The following GLS2 variants were observed in gnomAD, a reference collection of about 807,000 sequenced individuals.
GLS2 encodes the protein glutaminase liver isoform, mitochondrial.
GLS2 carries 52 observed loss-of-function variants against 79.0 expected under a neutral mutation model. The observed-to-expected ratio is 0.66, with a 90% CI of 0.53 to 0.83. The LOEUF (loss-of-function observed/expected upper bound fraction) is 0.83. Ranked by LOEUF, GLS2 falls within the 40% of genes least tolerant of loss-of-function variation. The pLI is 0.00. For missense variants in GLS2, 561 were observed against 764.8 expected (o/e 0.73, Z 3.14); for synonymous variants, 238 against 280.8 (o/e 0.85, Z 1.52).
rs1258554477 is a variant in GLS2 at position 56,487,964 on chromosome 12, T to C, written c.155A>G (p.His52Arg). The C allele has an allele frequency of 2.5e-6, 4 of 1,602,876 alleles. No individual in the cohort carries two copies. The highest frequency in any genetic ancestry group is 1.3e-5 in the African/African-American group (1 of 74,876). The change falls in exon 1 of 18, where the codon CAC (histidine) becomes CGC (arginine). Residue 52 changes from histidine to arginine, a missense_variant. By Grantham distance (29) the His-to-Arg change is conservative. Transcript: ENST00000311966. ...ATCCTGGTGCTGCGGCTGGTGGCTG[T>C]GTGGCGTCTCTCTGCCCTGCGCCGC... is the stretch of plus-strand genomic sequence containing the variant. ...EAAAQGRETP[H>R]SHQPQHQDHD...
intron 6 of GLS2, 54 bp downstream of exon 6, chr12:56,477,879 G>T: frequency 6.3e-7 from 1 of 1,579,862 alleles, no homozygotes. Context: ...GATGGGGTGG[G>T]GATAAGGAGA....
rs749644217 is a variant in GLS2, at chr12:56,480,388, C to G, written c.183-1G>C. 6.2e-7 allele frequency: 1 copy of G among 1,613,506 alleles called. No individual in the cohort carries two copies. The highest frequency in any genetic ancestry group is 8.5e-7 in the Non-Finnish European group (1 of 1,179,460). On this transcript the variant is annotated splice_acceptor_variant, in intron 1 of 17. Coordinates refer to ENST00000311966, the MANE Select transcript of GLS2 (RefSeq NM_013267.4). LOFTEE classifies it high-confidence loss of function. ...CAGCATGCCACTTTCTGATGAATCACTGTTTGGGGGCAGAGAATGGGGAGG... is the reference window on the plus strand; with the variant it reads ...CAGCATGCCACTTTCTGATGAATCAGTGTTTGGGGGCAGAGAATGGGGAGG...
chr12:56,479,207 G>T, intron 3 of GLS2, 26 bp from the exon 4 acceptor site: 1 of 1,610,346 alleles, frequency 6.2e-7, no homozygotes, highest in South Asian at 1.1e-5. Context: ...GATTGGATTA[G>T]GGGGCTAGAG....
Position 56,472,115 on chromosome 12 carries a change from G to A in GLS2, c.1588+4C>T, listed in dbSNP as rs1230209053. ...TCCTCCTCCCCTCCTTAACCCTTCA[G>A]TACCTTCAGCTGCAGCAACATGCAG... On this transcript the variant is annotated splice_donor_region_variant and intron_variant, in intron 16 of 17. Coordinates refer to ENST00000311966, the MANE Select transcript of GLS2 (RefSeq NM_013267.4). 8.7e-6 allele frequency: 14 copies of A among 1,613,930 alleles called. No individual in the cohort carries two copies. Among genetic ancestry groups the A allele is most frequent in the South Asian group, 3.3e-5 (3 of 91,070 alleles).
At position 56,475,686 on chromosome 12, in the gene GLS2, G is replaced by A; in HGVS notation, c.871-4C>T. On this transcript the variant is annotated splice_polypyrimidine_tract_variant and splice_region_variant and intron_variant, in intron 8 of 17. Coordinates refer to ENST00000311966, the MANE Select transcript of GLS2 (RefSeq NM_013267.4). ...TTTTGTTGAGATACTGCAACACCTG[G>A]AAGAGAAAAAGGGACATTGAGGCTC... 6.2e-7 allele frequency: 1 copy of A among 1,613,934 alleles called. No individual in the cohort carries two copies. Among genetic ancestry groups the A allele is most frequent in the Non-Finnish European group, 8.5e-7 (1 of 1,179,944 alleles).
rs1374136916 is a variant in GLS2 at position 56,487,976 on chromosome 12, C to T, written c.143G>A (p.Arg48Lys). The T allele has an allele frequency of 4.4e-6, 7 of 1,602,548 alleles. No homozygotes were observed. The highest frequency in any genetic ancestry group is 5.9e-6 in the Non-Finnish European group (7 of 1,179,614). ...HHLSEAAAQG[R>K]ETPHSHQPQH... Reference sequence around the variant, plus strand: ...CGGCTGGTGGCTGTGTGGCGTCTCTCTGCCCTGCGCCGCGGCCTCACTGAG... The same window carrying T: ...CGGCTGGTGGCTGTGTGGCGTCTCTTTGCCCTGCGCCGCGGCCTCACTGAG... The change falls in exon 1 of 18, where the codon AGA becomes AAA. Residue 48 changes from arginine (R) to lysine (K), a missense_variant. By Grantham distance (26) the Arg-to-Lys change is conservative (BLOSUM62 2). Coordinates refer to ENST00000311966, the MANE Select transcript of GLS2 (RefSeq NM_013267.4).
chr12:56,471,929 G>C (rs1187077902), intron 16 of GLS2, 93 bp from the exon 17 acceptor site: 1 of 1,390,430 alleles, frequency 7.2e-7, no homozygotes, highest in African/African-American at 1.4e-5. Context: ...CAAGAGGGGA[G>C]GGGAAAAGGC....
chr12:56,471,695 T>G, intron 17 of GLS2, 52 bp from the exon 18 acceptor site: 1 of 1,612,010 alleles, frequency 6.2e-7, no homozygotes, highest in Non-Finnish European at 8.5e-7. Context: ...GAGTGGTGGT[T>G]GTATATATTT....
chr12:56,479,719 G>C, intron 3 of GLS2, 61 bp downstream of exon 3: 1 of 1,511,610 alleles, frequency 6.6e-7, no homozygotes, highest in Non-Finnish European at 8.9e-7. Flanking sequence ...TCCCTGCTCT[G>C]AGAGTCTATG....
rs148125701 is a variant in GLS2, at chr12:56,474,340, C to G, written c.1224+204G>C. 7 of 611,612 alleles carry G rather than the reference C, an allele frequency of 1.1e-5. No homozygotes were observed. In the East Asian group the frequency reaches 2.1e-4, roughly 18 times the overall value. The allele number at this position is 611,612 out of a possible 1,614,324, so 37.9% of individuals were successfully genotyped here. On this transcript the variant is annotated intron_variant, in intron 12 of 17. Coordinates refer to ENST00000311966, the MANE Select transcript of GLS2 (RefSeq NM_013267.4). ...CTGACCTCAGGTGATCCACCTGCCT[C>G]GGCCTCCCAAAGACATCTCTTTATA...
chr12:56,479,809 A>G lies in GLS2; in HGVS notation c.375T>C (p.Gly125=), dbSNP rs778285421. 6.2e-7 allele frequency: 1 copy of G among 1,609,690 alleles called. No homozygotes were observed. Among genetic ancestry groups the G allele is most frequent in the South Asian group, 1.1e-5 (1 of 90,848 alleles). ...GGAAGAGATCTCGGTCCAAGAGGCC[A>G]CCACTACTGGACTCTTGGACCACGC... ...MHRVVQESSS[G]GLLDRDLFRK... The change falls in exon 3 of 18, where the codon GGT becomes GGC. Residue 125 remains glycine (G), a synonymous_variant. Transcript: ENST00000311966.
intron 7 of GLS2, 64 bp from the exon 8 acceptor site, chr12:56,476,041 A>G: frequency 2.0e-6 from 3 of 1,522,492 alleles, no homozygotes; most frequent in Non-Finnish European, 2.7e-6. Context: ...GAAGGGTCAG[A>G]AGGATCTAGT....
At chr12:56,475,149 A>G (rs1869693270) in intron 9 of GLS2, 39 bp from the exon 10 acceptor site, 1 of 1,612,942 alleles carries the variant, frequency 6.2e-7, no homozygotes, top group African/African-American at 1.3e-5. Flanking sequence ...AAGTTGGAGG[A>G]GTGGGTGTTG....
intron 2 of GLS2, 81 bp from the exon 3 acceptor site, chr12:56,479,982 A>G (rs1870156465): frequency 6.5e-7 from 1 of 1,538,302 alleles, no homozygotes; most frequent in African/African-American, 1.4e-5. Flanking sequence ...CTGGATACCC[A>G]ATTAGCTGAA....
At chr12:56,475,504 A>G (rs1869724577) in intron 9 of GLS2, 120 bp downstream of exon 9, 2 of 1,067,318 alleles carry the variant, frequency 1.9e-6, no homozygotes, top group Middle Eastern at 2.1e-4. Flanking sequence ...CTGGAGGGCC[A>G]AAGTTCCCCT....
chr12:56,477,512 G>A (rs1869926339), intron 7 of GLS2, 148 bp downstream of exon 7: 4 of 715,026 alleles, frequency 5.6e-6, no homozygotes, highest in Non-Finnish European at 9.6e-6. Context: ...TAACATGTGG[G>A]TCCCTGCTGT....
At chr12:56,472,622 C>T (rs1315227261) in intron 15 of GLS2, 68 bp downstream of exon 15, 13 of 1,396,824 alleles carry the variant, frequency 9.3e-6, no homozygotes, top group East Asian at 4.6e-5. Context: ...TATTTTGTTA[C>T]GCTGCCTCCT....
At chr12:56,481,158 C>T (rs1183660568) in intron 1 of GLS2, among the ~76,000 whole-genome samples, 1 of 146,078 alleles carries the variant, frequency 6.8e-6, no homozygotes, top group Non-Finnish European at 1.5e-5. Flanking sequence ...CAGAGTTTTG[C>T]TCTTGTTGCC....
Position 56,474,857 on chromosome 12 carries a change from G to C in GLS2, c.1036C>G (p.Leu346Val). 6.2e-7 allele frequency: 1 copy of C among 1,614,188 alleles called. No homozygotes were observed. The highest frequency in any genetic ancestry group is 8.5e-7 in the Non-Finnish European group (1 of 1,180,032). ...KGVDMMAALD[L>V]YFQLCSVEVT... is the part of the protein sequence containing the mutation. ...CAGTGTTTTCTTACCTGGAAGTAGA[G>C]ATCAAGGGCAGCCATCATGTCCACC... Residue 346 changes from leucine (L) to valine (V), a missense_variant, in exon 11 of 18, where the codon CTC (leucine) becomes GTC (valine). Physicochemically the swap from Leu to Val is conservative, Grantham distance 32. This residue lies in a region of GLS2 where 221 missense variants were observed against 275.6 expected (regional missense o/e 0.80). Transcript: ENST00000311966.
Sources: gnomAD v4.1 joint callset for allele counts (sites outside exome capture counted in the v4.1 genomes callset) on GRCh38, gnomAD v4.1.1 for gene constraint, gnomAD v4.1.1 regional missense constraint, MANE v1.5 for transcripts, NCBI Gene and HGNC (gene_info 2026-07-23, HGNC 2026-07-21) for gene names.